AFF1: variants seen among roughly 807,000 people sequenced by gnomAD.
The protein encoded by AFF1 is ALF transcription elongation factor 1, also known as AF4/FMR2 family member 1.
A neutral mutation model predicts 121.7 loss-of-function variants in AFF1; 48 were observed. The ratio of observed to expected loss-of-function variants is 0.39; its 90% CI spans 0.31 to 0.50. The LOEUF is 0.50. Among genes scored for constraint, AFF1 ranks in the 20% least tolerant of loss-of-function variants. AFF1 has a pLI of 0.76. For missense variants in AFF1, 1,523 were observed against 1,511.7 expected, an observed-to-expected ratio of 1.01 and a Z score of -0.12; for synonymous variants, 613 against 563.0, an observed-to-expected ratio of 1.09 and a Z score of -1.26.
Position 87,115,236 on chromosome 4 carries a change from G to A in AFF1, c.2403G>A (p.Gly801=), listed in dbSNP as rs1726982857. The change falls in exon 12 of 21, where the codon GGG becomes GGA. Residue 801 remains glycine, a synonymous_variant. Transcript: ENST00000395146. ...CAGAAGATAAACAGCCGCCCGCAGG[G>A]AAGAAGCACAGCTCTGAGAAGAGGA... ...RKAEDKQPPA[G]KKHSSEKRSS... The A allele has an allele frequency of 6.2e-7, 1 of 1,614,046 alleles. No homozygotes were observed. The highest frequency in any genetic ancestry group is 8.5e-7 in the Non-Finnish European group (1 of 1,179,966).
intron 1 of AFF1, among the ~76,000 whole-genome samples, chr4:86,941,519 G>A (rs1309954078): frequency 3.3e-5 from 5 of 152,070 alleles, no homozygotes; most frequent in Non-Finnish European, 7.4e-5. Flanking sequence ...ATTAGCCGGC[G>A]TGGTAGCACA....
At chr4:86,999,190 T>G (rs1725494706) in intron 2 of AFF1, among the ~76,000 whole-genome samples, 1 of 152,192 alleles carries the variant, frequency 6.6e-6, no homozygotes, top group Non-Finnish European at 1.5e-5. Flanking sequence ...TCTTCACAGT[T>G]AAAAAACACA....
intron 2 of AFF1, among the ~76,000 whole-genome samples, chr4:87,014,960 C>T (rs1727155060): frequency 6.6e-6 from 1 of 152,188 alleles, no homozygotes; most frequent in Non-Finnish European, 1.5e-5. Context: ...CTACCTTAGA[C>T]ATTTCTAAGA....
At chr4:87,066,895 A>G (rs971824709) in intron 4 of AFF1, among the ~76,000 whole-genome samples, 1 of 152,170 alleles carries the variant, frequency 6.6e-6, no homozygotes, top group Non-Finnish European at 1.5e-5. Context: ...TCCCACATTA[A>G]TTAATTCAGA....
At chr4:87,127,366 T>C (rs1728385280) in intron 15 of AFF1, among the ~76,000 whole-genome samples, 1 of 152,140 alleles carries the variant, frequency 6.6e-6, no homozygotes, top group Non-Finnish European at 1.5e-5. Context: ...TTTCATCATG[T>C]TGGTCAGGCT....
chr4:87,000,603 C>CTGTG (rs777829987), intron 2 of AFF1, among the ~76,000 whole-genome samples: 1,688 of 76,732 alleles, frequency 0.022, 11 homozygotes, highest in Middle Eastern at 0.049. Flanking sequence ...AAAAAATAAA[C>CTGTG]TCTGTGTGTG....
Position 87,046,783 on chromosome 4 carries a change from A to T in AFF1, c.248A>T (p.His83Leu). The T allele has an allele frequency of 6.2e-7, 1 of 1,614,182 alleles. No individual in the cohort carries two copies. The change falls in exon 4 of 21, where the codon CAC becomes CTC. Residue 83 changes from histidine (H) to leucine (L), a missense_variant. Physicochemically the swap from His to Leu is moderately conservative, Grantham distance 99 (BLOSUM62 -3). This residue lies in a region of AFF1 where 369 missense variants were observed against 367.2 expected (regional missense o/e 1.00). Transcript: ENST00000395146. ...AAGGAGTTCCTTAGTACTAAGTCTCACACTCATCGCCTGGATGCTTCTGAA... is the reference window on the plus strand; with the variant it reads ...AAGGAGTTCCTTAGTACTAAGTCTCTCACTCATCGCCTGGATGCTTCTGAA... ...EVKEFLSTKSHTHRLDASENR... is the reference protein window; with the variant it reads ...EVKEFLSTKSLTHRLDASENR...
intron 8 of AFF1, among the ~76,000 whole-genome samples, chr4:87,103,363 T>C (rs1725615438): frequency 6.6e-6 from 1 of 152,264 alleles, no homozygotes; most frequent in African/African-American, 2.4e-5. Context: ...TTATTCTTTA[T>C]CAAATAAATT....
chr4:86,959,311 TTA>T (rs1721974893), intron 2 of AFF1, among the ~76,000 whole-genome samples: 1 of 149,640 alleles, frequency 6.7e-6, no homozygotes, highest in African/African-American at 2.5e-5. Flanking sequence ...TTGTGAAAAT[TTA>T]TATGTGAGCT....
At chr4:87,047,778 T>G (rs1730868166) in intron 4 of AFF1, 184 bp downstream of exon 4, 4 of 817,824 alleles carry the variant, frequency 4.9e-6, no homozygotes, top group East Asian at 4.9e-5. Flanking sequence ...GACGACTGAT[T>G]ATAGATATTG....
chr4:86,958,103 T>TCC (rs1721883626), intron 2 of AFF1, among the ~76,000 whole-genome samples: 3 of 146,228 alleles, frequency 2.1e-5, no homozygotes, highest in African/African-American at 5.0e-5. Flanking sequence ...TTTTTTTTTT[T>TCC]TTTTTTTGAA....
chr4:86,946,900 G>A (rs17012178), intron 1 of AFF1, among the ~76,000 whole-genome samples: 3,327 of 152,150 alleles, frequency 0.022, 146 homozygotes, highest in African/African-American at 0.076. Context: ...CATCTTCACT[G>A]GGAGGGTAAT....
chr4:87,096,808 A>G (rs979550585), intron 8 of AFF1, among the ~76,000 whole-genome samples: 3 of 151,474 alleles, frequency 2.0e-5, no homozygotes, highest in African/African-American at 7.3e-5. Context: ...GGGTCTCACT[A>G]TGTTGCCCAG....
At chr4:86,978,885 A>T (rs1723512461) in intron 2 of AFF1, among the ~76,000 whole-genome samples, 1 of 152,128 alleles carries the variant, frequency 6.6e-6, no homozygotes, top group South Asian at 2.1e-4. Context: ...CTTGTAGCTC[A>T]CCTTATCTCC....
At chr4:87,023,853 G>A (rs1022169029) in intron 2 of AFF1, among the ~76,000 whole-genome samples, 1 of 152,194 alleles carries the variant, frequency 6.6e-6, no homozygotes, top group Non-Finnish European at 1.5e-5. Context: ...GGGGTTTTGT[G>A]GATGGAGAAA....
chr4:86,972,131 CAAAAAAAAAA>C (rs59683267), intron 2 of AFF1, among the ~76,000 whole-genome samples: 9 of 57,960 alleles, frequency 1.6e-4, no homozygotes, highest in African/African-American at 4.9e-4. Context: ...GAGCTTGTCT[CAAAAAAAAAA>C]AAAAAAAAAA....
intron 4 of AFF1, among the ~76,000 whole-genome samples, chr4:87,063,256 T>TTTTTTTGA (rs869168821): frequency 1.5e-5 from 2 of 134,620 alleles, no homozygotes; most frequent in Admixed American, 7.5e-5. Context: ...TTTTTTTTTT[T>TTTTTTTGA]GAGACAGAGT....
chr4:87,001,207 C>CTT (rs34072831), intron 2 of AFF1, among the ~76,000 whole-genome samples: 11,647 of 59,938 alleles, frequency 0.19, 4,432 homozygotes, highest in South Asian at 0.53. Context: ...CCTTTTTCTA[C>CTT]TTTTTTTTTT....
intron 4 of AFF1, among the ~76,000 whole-genome samples, chr4:87,077,863 C>T (rs1470235998): frequency 6.6e-6 from 1 of 152,084 alleles, no homozygotes; most frequent in African/African-American, 2.4e-5. Flanking sequence ...GTGGCATGTA[C>T]CATAGTTTTC....
Sources: gnomAD v4.1 joint callset for allele counts (sites outside exome capture counted in the v4.1 genomes callset) on GRCh38, gnomAD v4.1.1 for gene constraint, gnomAD v4.1.1 regional missense constraint, MANE v1.5 for transcripts, NCBI Gene and HGNC (gene_info 2026-07-23, HGNC 2026-07-21) for gene names.